Variants in FOXP2 observed in about 807,000 individuals in gnomAD.
FOXP2 encodes forkhead box protein P2.
Under a neutral mutation model 115.8 loss-of-function variants are expected in FOXP2, and 12 were observed. The observed-to-expected ratio is 0.10, with a 90% CI of 0.07 to 0.17. The LOEUF (loss-of-function observed/expected upper bound fraction) is 0.17, where lower values mean the gene tolerates loss of function less well. Among genes scored for constraint, FOXP2 ranks in the 10% least tolerant of loss-of-function variants. FOXP2 has a pLI of 1.00. For missense variants in FOXP2, 629 were observed against 843.5 expected (o/e 0.75, Z 3.15); for synonymous variants, 328 against 297.7 (o/e 1.10, Z -1.05).
At chr7:114,448,482 G>A (rs1019888358) in intron 2 of FOXP2, among the ~76,000 whole-genome samples, 1 of 152,094 alleles carries the variant, frequency 6.6e-6, no homozygotes, top group Non-Finnish European at 1.5e-5. Flanking sequence ...TTTAAATAAT[G>A]TAAGAAATCT....
chr7:114,668,001 A>AAG (rs1165513320), intron 16 of FOXP2: 1 of 152,172 alleles, frequency 6.6e-6, no homozygotes, highest in Non-Finnish European at 1.5e-5. Flanking sequence ...GCTAGGGACA[A>AAG]AGATGAAAAT....
intron 1 of FOXP2, among the ~76,000 whole-genome samples, chr7:114,218,773 G>A (rs978444513): frequency 2.6e-5 from 4 of 152,106 alleles, no homozygotes; most frequent in African/African-American, 9.7e-5. Flanking sequence ...TGTTTAAATT[G>A]CATATATTGG....
Position 114,449,107 on chromosome 7 carries a change from T to C in FOXP2, c.168+22428T>C, listed in dbSNP as rs539878050. 3.3e-5 allele frequency among the ~76,000 whole-genome samples: 5 copies of C among 152,152 alleles called. No homozygotes were observed. In the East Asian group the frequency reaches 7.7e-4, roughly 23 times the overall value. ...AGCATTGTTGTGAGAACTAAATGAG[T>C]TATAATGTAGAACAATGACACATTT... is the stretch of plus-strand genomic sequence containing the variant. On this transcript the variant is annotated intron_variant, in intron 2 of 16. Transcript: ENST00000350908.
intron 1 of FOXP2, among the ~76,000 whole-genome samples, chr7:114,267,394 C>A (rs182083466): frequency 6.6e-6 from 1 of 152,082 alleles, no homozygotes; most frequent in East Asian, 1.9e-4. Flanking sequence ...TTTAGATATT[C>A]GCTCTTACAT....
intron 1 of FOXP2, among the ~76,000 whole-genome samples, chr7:114,143,253 C>A (rs1326215017): frequency 6.6e-6 from 1 of 151,580 alleles, no homozygotes. Flanking sequence ...CATTTAGAAG[C>A]TTTTTACCAT....
chr7:114,261,247 A>G lies in FOXP2; in HGVS notation c.-101-26772A>G, dbSNP rs187617502. 4.6e-5 allele frequency among the ~76,000 whole-genome samples: 7 copies of G among 152,338 alleles called. No individual in the cohort carries two copies. The East Asian group carries it at 7.7e-4, about 17-fold the overall frequency. On this transcript the variant is annotated intron_variant, in intron 1 of 17. Transcript: ENST00000634411. ...TATTCTTGTAGTTCCCATGGCAACA[A>G]TAACTTTCCCACCTGACATGAACTC... is the stretch of plus-strand genomic sequence containing the variant.
At chr7:114,583,927 G>A (rs1430288835) in intron 3 of FOXP2, among the ~76,000 whole-genome samples, 2 of 152,154 alleles carry the variant, frequency 1.3e-5, no homozygotes, top group Non-Finnish European at 2.9e-5. Context: ...CTTAACTAAA[G>A]TTTTGGTCAA....
chr7:114,448,002 G>C (rs568315424), intron 2 of FOXP2, among the ~76,000 whole-genome samples: 51 of 152,050 alleles, frequency 3.4e-4, no homozygotes, highest in Non-Finnish European at 6.3e-4. Context: ...CCTTAAAAAT[G>C]TATTTAATCT....
intron 2 of FOXP2, among the ~76,000 whole-genome samples, chr7:114,491,981 G>T (rs1797079286): frequency 6.6e-6 from 1 of 152,154 alleles, no homozygotes; most frequent in South Asian, 2.1e-4. Flanking sequence ...GTTTCACAAG[G>T]AATGGTACCA....
At chr7:114,139,006 A>G (rs1792128664) in intron 1 of FOXP2, among the ~76,000 whole-genome samples, 1 of 152,126 alleles carries the variant, frequency 6.6e-6, no homozygotes, top group Admixed American at 6.5e-5. Context: ...CATTGGGTAT[A>G]TGTTGTAGTT....
chr7:114,087,295 G>T (rs1237661554), upstream of FOXP2, among the ~76,000 whole-genome samples: 2 of 152,166 alleles, frequency 1.3e-5, no homozygotes, highest in Non-Finnish European at 2.9e-5. Flanking sequence ...TGACGCTTCG[G>T]GATAACCGTG....
chr7:114,271,028 C>G (rs1012183153), intron 1 of FOXP2, among the ~76,000 whole-genome samples: 2 of 151,882 alleles, frequency 1.3e-5, no homozygotes, highest in Non-Finnish European at 2.9e-5. Flanking sequence ...AAGACCATCT[C>G]TGCTCATTGT....
chr7:114,397,985 T>TTTTTTTTC (rs1284683177), intron 2 of FOXP2, among the ~76,000 whole-genome samples: 22 of 152,148 alleles, frequency 1.4e-4, no homozygotes, highest in African/African-American at 4.3e-4. Flanking sequence ...AGATTAAGTT[T>TTTTTTTTC]TTTTTTTCTT....
chr7:114,295,626 A>G (rs1796724462), intron 2 of FOXP2, among the ~76,000 whole-genome samples: 1 of 152,224 alleles, frequency 6.6e-6, no homozygotes, highest in African/African-American at 2.4e-5. Flanking sequence ...ATTGTCTGCC[A>G]GAGAACAGAG....
intron 1 of FOXP2, among the ~76,000 whole-genome samples, chr7:114,276,869 C>T (rs1796202661): frequency 6.6e-6 from 1 of 152,120 alleles, no homozygotes; most frequent in Admixed American, 6.5e-5. Flanking sequence ...GAATTAGAAA[C>T]CAGAAGTCAG....
intron 3 of FOXP2, among the ~76,000 whole-genome samples, chr7:114,598,655 A>G (rs556779331): frequency 9.9e-5 from 15 of 152,268 alleles, no homozygotes; most frequent in African/African-American, 3.4e-4. Context: ...TGTACAGTTC[A>G]ATAGTGTTAA....
At chr7:114,360,838 C>T (rs1026214242) in intron 2 of FOXP2, among the ~76,000 whole-genome samples, 10 of 152,178 alleles carry the variant, frequency 6.6e-5, no homozygotes, top group Middle Eastern at 3.4e-3. Context: ...AAAGATGAGC[C>T]GAATAGCATG....
At chr7:114,567,083 C>G (rs1353081021) in intron 3 of FOXP2, among the ~76,000 whole-genome samples, 1 of 151,932 alleles carries the variant, frequency 6.6e-6, no homozygotes, top group Non-Finnish European at 1.5e-5. Flanking sequence ...ATCATGAAGT[C>G]TACTGATAAG....
At chr7:114,157,160 A>C (rs535447211) in intron 1 of FOXP2, among the ~76,000 whole-genome samples, 1 of 152,268 alleles carries the variant, frequency 6.6e-6, no homozygotes, top group Admixed American at 6.5e-5. Context: ...TAATTTCTTC[A>C]TAATAAAGTT....
Sources: gnomAD v4.1 joint callset for allele counts (sites outside exome capture counted in the v4.1 genomes callset) on GRCh38, gnomAD v4.1.1 for gene constraint, MANE v1.5 for transcripts, NCBI Gene and HGNC (gene_info 2026-07-23, HGNC 2026-07-21) for gene names.